The following ANKRD11 variants were observed in gnomAD, a reference collection of about 807,000 sequenced individuals.
ANKRD11 encodes the protein ankyrin repeat domain 11, also known as ankyrin repeat domain-containing protein 11.
Under a neutral mutation model 195.7 loss-of-function variants are expected in ANKRD11, and 17 were observed. The observed-to-expected ratio is 0.09, with a 90% CI of 0.06 to 0.13. ANKRD11 has a LOEUF of 0.13. Among genes scored for constraint, ANKRD11 ranks in the 10% least tolerant of loss-of-function variants. The pLI is 1.00. For missense variants in ANKRD11, 3,735 were observed against 3,566.1 expected (o/e 1.05, Z -1.21); for synonymous variants, 1,953 against 1,528.1 (o/e 1.28, Z -6.49).
At chr16:89,286,598 G>A (rs2034665211) in intron 7 of ANKRD11, 5 of 1,127,886 alleles carry the variant, frequency 4.4e-6, no homozygotes, top group African/African-American at 1.6e-5. Flanking sequence ...TCAGGCAAGA[G>A]GTTAGGGAGA....
intron 2 of ANKRD11, among the ~76,000 whole-genome samples, chr16:89,334,311 C>T (rs2038233975): frequency 6.6e-6 from 1 of 152,004 alleles, no homozygotes; most frequent in African/African-American, 2.4e-5. Flanking sequence ...GAGTGTACTG[C>T]CAATACGGCC....
At chr16:89,275,593 C>T (rs916070294) in intron 9 of ANKRD11, among the ~76,000 whole-genome samples, 1 of 152,088 alleles carries the variant, frequency 6.6e-6, no homozygotes, top group African/African-American at 2.4e-5. Flanking sequence ...GCCCATGCAC[C>T]CCAAATCAGC....
intron 2 of ANKRD11, among the ~76,000 whole-genome samples, chr16:89,388,293 A>ATGTTTTT (rs2041016022): frequency 1.2e-5 from 1 of 85,266 alleles, no homozygotes; most frequent in Non-Finnish European, 2.3e-5. Context: ...CATGAGGCTG[A>ATGTTTTT]TTTTTTTTTT....
At chr16:89,470,344 G>A (rs1033053575) in intron 1 of ANKRD11, among the ~76,000 whole-genome samples, 1 of 152,138 alleles carries the variant, frequency 6.6e-6, no homozygotes, top group African/African-American at 2.4e-5. Context: ...GCGCTGAAAT[G>A]GGATGCACTA....
intron 3 of ANKRD11, among the ~76,000 whole-genome samples, chr16:89,313,063 C>T (rs145511970): frequency 1.1e-3 from 166 of 152,286 alleles, no homozygotes; most frequent in African/African-American, 2.6e-3. Flanking sequence ...TCCAGCCTCT[C>T]GGCCTCCACA....
In ANKRD11 at chr16:89,283,811, C is replaced by A; in HGVS notation, c.2731G>T (p.Asp911Tyr). The A allele has an allele frequency of 1.9e-6, 3 of 1,614,148 alleles. No individual in the cohort carries two copies. Among genetic ancestry groups the A allele is most frequent in the East Asian group, 2.2e-5 (1 of 44,884 alleles). Residue 911 changes from aspartate to tyrosine, a missense_variant, in exon 9 of 13, where the codon GAC becomes TAC. Asp to Tyr is a radical substitution (Grantham distance 160). Transcript: ENST00000301030. The surrounding 1 kb of genome is among the most constrained non-coding windows in gnomAD (Gnocchi z 4.3). ...TTCTCAGAGTTTTTATCCAAATAGT[C>A]CCTGTCCTTCTTTCGGAAGAAGGGC... ...REPFFRKKDR[D>Y]YLDKNSEKRK...
At chr16:89,342,173 A>G (rs1477566839) in intron 2 of ANKRD11, among the ~76,000 whole-genome samples, 1 of 152,238 alleles carries the variant, frequency 6.6e-6, no homozygotes, top group African/African-American at 2.4e-5. Flanking sequence ...TGGGCCTCAA[A>G]GCACAACACA....
At chr16:89,453,977 G>C (rs1004196949) in intron 1 of ANKRD11, among the ~76,000 whole-genome samples, 3 of 152,136 alleles carry the variant, frequency 2.0e-5, no homozygotes, top group African/African-American at 7.2e-5. Flanking sequence ...CCCGCACCTC[G>C]GGAGTTCCCA....
chr16:89,387,248 T>C (rs1449008395), intron 2 of ANKRD11, among the ~76,000 whole-genome samples: 2 of 150,044 alleles, frequency 1.3e-5, no homozygotes, highest in African/African-American at 4.9e-5. Context: ...AAAAAGCATC[T>C]CTCAAGGGAG....
intron 1 of ANKRD11, among the ~76,000 whole-genome samples, chr16:89,484,467 T>A (rs2057541709): frequency 1.3e-5 from 2 of 152,270 alleles, no homozygotes; most frequent in Non-Finnish European, 2.9e-5. Flanking sequence ...CTAACTCTAG[T>A]AAAACCTCAG....
At chr16:89,287,195 C>T in intron 7 of ANKRD11, 1 of 1,015,872 alleles carries the variant, frequency 9.8e-7, no homozygotes, top group Admixed American at 2.6e-5. Flanking sequence ...CACTCCTCGG[C>T]CCTCCTCTAA....
chr16:89,382,658 C>G (rs1399207187), intron 2 of ANKRD11, among the ~76,000 whole-genome samples: 2 of 151,498 alleles, frequency 1.3e-5, no homozygotes, highest in South Asian at 4.2e-4. Context: ...AATTCCCCCC[C>G]TCCAGTAGAT....
chr16:89,391,112 C>T (rs1463849392), intron 2 of ANKRD11, among the ~76,000 whole-genome samples: 1 of 151,628 alleles, frequency 6.6e-6, no homozygotes, highest in Non-Finnish European at 1.5e-5. Flanking sequence ...CCTGTAGTCC[C>T]AGCTACTCGG....
intron 2 of ANKRD11, among the ~76,000 whole-genome samples, chr16:89,374,443 T>C (rs755344064): frequency 1.3e-5 from 2 of 152,084 alleles, no homozygotes; most frequent in East Asian, 1.9e-4. Context: ...GAACTGTACA[T>C]CCAGAAAAGC....
intron 2 of ANKRD11, among the ~76,000 whole-genome samples, chr16:89,337,340 C>A (rs759389307): frequency 6.6e-6 from 1 of 150,766 alleles, no homozygotes; most frequent in African/African-American, 2.4e-5. Context: ...CAGCTGAGCA[C>A]TGGGTCTCAT....
chr16:89,335,278 G>A (rs949890727), intron 2 of ANKRD11, among the ~76,000 whole-genome samples: 1 of 152,192 alleles, frequency 6.6e-6, no homozygotes, highest in African/African-American at 2.4e-5. Flanking sequence ...GAAGAGGCCA[G>A]TGCACCCCCA....
At chr16:89,322,962 G>C (rs1047653531) in intron 2 of ANKRD11, 9 of 257,334 alleles carry the variant, frequency 3.5e-5, no homozygotes, top group Non-Finnish European at 6.2e-5. Context: ...GCTCACTTGA[G>C]CCTCCCAAGT....
At chr16:89,486,290 A>C (rs1450380062) in intron 1 of ANKRD11, among the ~76,000 whole-genome samples, 1 of 152,002 alleles carries the variant, frequency 6.6e-6, no homozygotes, top group Non-Finnish European at 1.5e-5. Context: ...AAGTAAAATA[A>C]ATTAGCTGGG....
chr16:89,294,002 G>A (rs910744416), intron 4 of ANKRD11, among the ~76,000 whole-genome samples: 3 of 152,202 alleles, frequency 2.0e-5, no homozygotes, highest in South Asian at 2.1e-4. Flanking sequence ...CCTGCAGGGC[G>A]GCCATCTCAG....
Sources: allele counts gnomAD v4.1 joint callset (sites outside exome capture counted in the v4.1 genomes callset), GRCh38; gene constraint gnomAD v4.1.1; non-coding constraint Gnocchi (gnomAD v3.1); transcripts MANE v1.5; gene names NCBI Gene and HGNC (gene_info 2026-07-23, HGNC 2026-07-21).